The following CDK15 variants were observed in gnomAD, a reference collection of about 807,000 sequenced individuals.
CDK15 encodes cyclin-dependent kinase 15.
A neutral mutation model predicts 60.3 loss-of-function variants in CDK15; 62 were observed. That is an observed-to-expected ratio of 1.03 (90% confidence interval 0.84 to 1.27). CDK15 has a LOEUF of 1.27. Among genes scored for constraint, CDK15 ranks in the 50% most tolerant of loss-of-function variants. CDK15 has a pLI of 0.00. For synonymous variants in CDK15, 194 were observed against 195.7 expected (o/e 0.99, Z 0.07); for missense variants, 541 against 527.8 (o/e 1.03, Z -0.25).
At chr2:201,881,534 C>CA (rs1381337011) in intron 12 of CDK15, among the ~76,000 whole-genome samples, 1 of 152,102 alleles carries the variant, frequency 6.6e-6, no homozygotes, top group East Asian at 1.9e-4. Flanking sequence ...ATCTAAACAG[C>CA]AAAAAATCTG....
intron 8 of CDK15, among the ~76,000 whole-genome samples, chr2:201,839,930 T>C (rs910769304): frequency 6.6e-6 from 1 of 152,162 alleles, no homozygotes; most frequent in East Asian, 1.9e-4. Context: ...TTGAGAAGAA[T>C]GTGTGTGTCC....
chr2:201,816,283 G>T (rs1027707067), intron 4 of CDK15, among the ~76,000 whole-genome samples: 1 of 151,846 alleles, frequency 6.6e-6, no homozygotes, highest in Non-Finnish European at 1.5e-5. Context: ...TCCCCTTTTG[G>T]AGTCCCTGGT....
At chr2:201,866,352 T>A (rs1055209566) in intron 10 of CDK15, among the ~76,000 whole-genome samples, 3 of 152,140 alleles carry the variant, frequency 2.0e-5, no homozygotes, top group African/African-American at 7.2e-5. Context: ...CTCTGTTGAC[T>A]AAGGTTACCA....
intron 4 of CDK15, among the ~76,000 whole-genome samples, chr2:201,814,271 G>A (rs1484646535): frequency 5.9e-5 from 9 of 152,182 alleles, no homozygotes; most frequent in Non-Finnish European, 1.3e-4. Context: ...TATTTACGGA[G>A]GAATTGCCTC....
At chr2:201,862,917 G>C (rs955809110) in intron 10 of CDK15, among the ~76,000 whole-genome samples, 4 of 152,168 alleles carry the variant, frequency 2.6e-5, no homozygotes, top group African/African-American at 4.8e-5. Flanking sequence ...ACCCAGACGT[G>C]ATTTTAGAAT....
intron 10 of CDK15, among the ~76,000 whole-genome samples, chr2:201,863,409 T>C (rs1446766146): frequency 6.6e-6 from 1 of 151,824 alleles, no homozygotes; most frequent in Non-Finnish European, 1.5e-5. Context: ...AAATAAATGT[T>C]CTTAATGTTA....
At chr2:201,864,809 A>C (rs1559141214) in intron 10 of CDK15, among the ~76,000 whole-genome samples, 1 of 152,274 alleles carries the variant, frequency 6.6e-6, no homozygotes, top group Non-Finnish European at 1.5e-5. Flanking sequence ...CTGTGGAACC[A>C]CAAAATGGAG....
At chr2:201,857,467 G>A (rs990026243) in intron 10 of CDK15, among the ~76,000 whole-genome samples, 4 of 151,974 alleles carry the variant, frequency 2.6e-5, no homozygotes, top group Admixed American at 6.6e-5. Flanking sequence ...TGTGCCGTGC[G>A]CTGGGGCTAC....
At position 201,888,631 on chromosome 2, in the gene CDK15, GGAAGGAGAGTCTGGCA is replaced by G. The variant is rs1455600769; in HGVS notation, c.1199-2152_1199-2137del. ...CTCCTTTTTCTTTTTCTATGAGTTGGGAAGGAGAGTCTGGCAGTCCACAGCCAAATTGGAATCCTTT... is the reference window on the plus strand; with the variant it reads ...CTCCTTTTTCTTTTTCTATGAGTTGGGTCCACAGCCAAATTGGAATCCTTT... On this transcript the variant is annotated intron_variant, in intron 12 of 13. Transcript: ENST00000652192. 3 of 1,404,246 alleles carry G rather than the reference GGAAGGAGAGTCTGGCA, an allele frequency of 2.1e-6. No individual in the cohort carries two copies. The Admixed American group carries it at 9.6e-5, about 45-fold the overall frequency. The allele number at this position is 1,404,246 out of a possible 1,614,324, so 87.0% of individuals were successfully genotyped here. A position where few individuals can be genotyped will look rare whatever the true frequency, so the allele number is the denominator to read the frequency against.
At chr2:201,862,424 T>C (rs1698439446) in intron 10 of CDK15, among the ~76,000 whole-genome samples, 1 of 152,256 alleles carries the variant, frequency 6.6e-6, no homozygotes, top group African/African-American at 2.4e-5. Flanking sequence ...AGTCAGTAGA[T>C]ATTTGTGAAA....
chr2:201,833,717 T>TTCTTC (rs571845679), intron 6 of CDK15, 131 bp from the exon 7 acceptor site: 425 of 167,832 alleles, frequency 2.5e-3, no homozygotes, highest in African/African-American at 4.5e-3. Flanking sequence ...CTTCTTCTTC[T>TTCTTC]TTTTTTTTTT....
rs569509807 is a variant in CDK15 at position 201,823,876 on chromosome 2, G to A, written c.606+149G>A. On this transcript the variant is annotated intron_variant, in intron 6 of 13. Transcript: ENST00000652192. The stretch of plus-strand genomic sequence containing the variant: ...CAGAAAAAAGTTTTGTTTTGTTTTC[G>A]TTTTTGTTTTTTTTTAAAAAGGAAA... 210 of 636,844 alleles carry A rather than the reference G, an allele frequency of 3.3e-4. 3 individuals carry two copies. In the African/African-American group the frequency reaches 3.6e-3, roughly 11 times the overall value. The allele number at this position is 636,844 out of a possible 1,614,324, so 39.4% of individuals were successfully genotyped here.
intron 4 of CDK15, among the ~76,000 whole-genome samples, chr2:201,819,045 T>C (rs963700017): frequency 2.0e-5 from 3 of 151,890 alleles, no homozygotes; most frequent in African/African-American, 7.3e-5. Context: ...AATAAACAAA[T>C]ATTTATATAT....
chr2:201,885,676 G>A (rs985744968), intron 12 of CDK15, among the ~76,000 whole-genome samples: 1 of 152,160 alleles, frequency 6.6e-6, no homozygotes, highest in Non-Finnish European at 1.5e-5. Context: ...GGTTAAATTT[G>A]TTACGTTCAT....
intron 8 of CDK15, among the ~76,000 whole-genome samples, chr2:201,841,556 T>C (rs1280895092): frequency 1.3e-5 from 2 of 152,226 alleles, no homozygotes; most frequent in East Asian, 1.9e-4. Context: ...AGATTTCCAG[T>C]TGACAAAGAA....
At chr2:201,860,065 G>T (rs953815291) in intron 10 of CDK15, among the ~76,000 whole-genome samples, 1 of 152,196 alleles carries the variant, frequency 6.6e-6, no homozygotes, top group East Asian at 1.9e-4. Flanking sequence ...GTCATTGATT[G>T]TTTCATCCAA....
chr2:201,808,075 T>C, intron 3 of CDK15, 123 bp downstream of exon 3: 2 of 693,858 alleles, frequency 2.9e-6, no homozygotes, highest in South Asian at 5.0e-5. Flanking sequence ...CAAGACACCA[T>C]GGCCGACAGG....
At chr2:201,884,055 G>C (rs1477355730) in intron 12 of CDK15, among the ~76,000 whole-genome samples, 4 of 152,142 alleles carry the variant, frequency 2.6e-5, no homozygotes, top group Non-Finnish European at 2.9e-5. Flanking sequence ...ACTGATTTTG[G>C]AACCTAGCCA....
intron 10 of CDK15, among the ~76,000 whole-genome samples, chr2:201,867,732 G>T (rs1698690315): frequency 1.3e-5 from 2 of 151,492 alleles, no homozygotes. Flanking sequence ...TTCTCGTAAA[G>T]GTTTCCAGAC....
Sources: gnomAD v4.1 joint callset for allele counts (sites outside exome capture counted in the v4.1 genomes callset) on GRCh38, gnomAD v4.1.1 for gene constraint, MANE v1.5 for transcripts, NCBI Gene and HGNC (gene_info 2026-07-23, HGNC 2026-07-21) for gene names.